DDX41: variants seen among roughly 807,000 people sequenced by gnomAD.
DDX41 encodes DEAD-box helicase 41.
Under a neutral mutation model 78.8 loss-of-function variants are expected in DDX41, and 50 were observed. That is an observed-to-expected ratio of 0.63 (90% CI 0.51 to 0.80). DDX41 has a LOEUF of 0.80. Among genes scored for constraint, DDX41 ranks in the 30% least tolerant of loss-of-function variants. DDX41 has a pLI of 0.00. For synonymous variants in DDX41, 381 were observed against 321.5 expected (o/e 1.19, Z -1.98); for missense variants, 633 against 849.2 (o/e 0.75, Z 3.16).
rs757152503 is a variant in DDX41, at chr5:177,513,008, C to A, written c.1302+3G>T. On this transcript the variant is annotated splice_donor_region_variant and intron_variant, in intron 12 of 16. Transcript: ENST00000330503. This position sits in a 1 kb window ranked among gnomAD's most constrained non-coding sequence, Gnocchi z 4.6. ...GGCCCCGGCCTGGCCTGGCTGCACT[C>A]ACAGGCGGGGGTGTCTTCTGCAGGC... 3.1e-6 allele frequency: 5 copies of A among 1,613,820 alleles called. No individual in the cohort carries two copies. Among genetic ancestry groups the A allele is most frequent in the Non-Finnish European group, 4.2e-6 (5 of 1,179,842 alleles).
In DDX41 at chr5:177,513,918, C is replaced by T; in HGVS notation, c.936-71G>A. ...ACCTATCTAGAGGCAAGCAGGCACC[C>T]TGCATCTGCTCTGCTCTCTGTCCTC... On this transcript the variant is annotated intron_variant, in intron 9 of 16. Transcript: ENST00000330503. This position sits in a 1 kb window ranked among gnomAD's most constrained non-coding sequence, Gnocchi z 4.6. 1 of 1,464,332 alleles carries T rather than the reference C, an allele frequency of 6.8e-7. No homozygotes were observed. Among genetic ancestry groups the T allele is most frequent in the Non-Finnish European group, 9.5e-7 (1 of 1,052,434 alleles). 90.7% of individuals were successfully genotyped at this position (1,464,332 alleles called of 1,614,324 possible).
chr5:177,512,202 C>T lies in DDX41; in HGVS notation c.1626G>A (p.Glu542=), dbSNP rs1234987759. The change falls in exon 16 of 17, where the codon GAG becomes GAA. Residue 542 remains glutamate, a synonymous_variant. Coordinates refer to ENST00000330503, the MANE Select transcript of DDX41 (RefSeq NM_016222.4). ...GCGCTTTGAGGTCCATCAGCACTGA[C>T]TCATCTGGGGGAGGAGTGGGGAAGC... ...ATTFINKACD[E]SVLMDLKALL... The T allele has an allele frequency of 1.2e-6, 2 of 1,613,808 alleles. No individual in the cohort carries two copies. Among genetic ancestry groups the T allele is most frequent in the Non-Finnish European group, 1.7e-6 (2 of 1,180,044 alleles).
In DDX41 at chr5:177,516,745, G is replaced by A. The variant is rs1398182183; in HGVS notation, c.118C>T (p.Arg40Trp). The A allele has an allele frequency of 6.2e-7, 1 of 1,608,508 alleles. No individual in the cohort carries two copies. The highest frequency in any genetic ancestry group is 1.1e-5 in the South Asian group (1 of 90,416). The change falls in exon 2 of 17, where the codon CGG (arginine) becomes TGG (tryptophan). Residue 40 changes from arginine (R) to tryptophan (W), a missense_variant. By Grantham distance (101) the Arg-to-Trp change is moderately radical. Around this residue, in one of 6 missense-constraint regions of DDX41, gnomAD observed 140 missense variants for 115.2 expected, o/e 1.22. Coordinates refer to ENST00000330503, the MANE Select transcript of DDX41 (RefSeq NM_016222.4). ...CTCACCAGTAGCTGCCGGCGCTGCC[G>A]TAACGGCACATAGGGCACGTAGTCC... ...DEDYVPYVPL[R>W]QRRQLLLQKL... is the part of the protein sequence containing the mutation.
chr5:177,516,626 T>C (rs1761246606), intron 2 of DDX41, 99 bp downstream of exon 2: 6 of 1,404,892 alleles, frequency 4.3e-6, no homozygotes, highest in Non-Finnish European at 5.9e-6. Context: ...TGAAGCTCAC[T>C]CCTCAGACTG....
At chr5:177,516,583 C>T in intron 2 of DDX41, 136 bp from the exon 3 acceptor site, 22 of 1,385,746 alleles carry the variant, frequency 1.6e-5, no homozygotes, top group South Asian at 1.2e-4. Context: ...GCCGTCGGTC[C>T]CTCGTTTGTC....
At chr5:177,515,550 A>T (rs1164231178) in intron 6 of DDX41, 135 bp downstream of exon 6, 1 of 1,151,660 alleles carries the variant, frequency 8.7e-7, no homozygotes, top group Non-Finnish European at 1.2e-6. Flanking sequence ...GAACCTAAAG[A>T]AACTCCTCCT....
rs542411494 is a variant in DDX41 at position 177,513,817 on chromosome 5, C to A, written c.966G>T (p.Gly322=). ...TCTTCTGCAGCAAATCCATGAGGCG[C>A]CCCGGGGTGGCCACCATCATGTGTA... ...HGVHMMVATP[G]RLMDLLQKKM... is the part of the protein sequence containing the mutation. Residue 322 remains glycine, a synonymous_variant, in exon 10 of 17, where the codon GGG becomes GGT. Transcript: ENST00000330503. The surrounding 1 kb of genome is among the most constrained non-coding windows in gnomAD (Gnocchi z 4.6). 1.9e-6 allele frequency: 3 copies of A among 1,613,708 alleles called. No individual in the cohort carries two copies. In the African/African-American group the frequency reaches 4.0e-5, roughly 22 times the overall value.
At chr5:177,512,012 T>C (rs1760974833) in intron 16 of DDX41, 84 bp downstream of exon 16, 7 of 1,606,342 alleles carry the variant, frequency 4.4e-6, no homozygotes, top group Non-Finnish European at 5.9e-6. Flanking sequence ...GCACCCTCGG[T>C]CCACCGGTTT....
chr5:177,513,099 C>T lies in DDX41; in HGVS notation c.1231-17G>A, dbSNP rs750400155. On this transcript the variant is annotated splice_polypyrimidine_tract_variant and intron_variant, in intron 11 of 16. Coordinates refer to ENST00000330503, the MANE Select transcript of DDX41 (RefSeq NM_016222.4). This position sits in a 1 kb window ranked among gnomAD's most constrained non-coding sequence, Gnocchi z 4.6. Reference sequence around the variant, plus strand: ...TTCTACCTCCTGCCACCACAAAGATCAGGTCAGGTGATCTTGAGATTAGGC... The same window carrying T: ...TTCTACCTCCTGCCACCACAAAGATTAGGTCAGGTGATCTTGAGATTAGGC... 2 of 1,610,476 alleles carry T rather than the reference C, an allele frequency of 1.2e-6. No homozygotes were observed. Among genetic ancestry groups the T allele is most frequent in the East Asian group, 2.2e-5 (1 of 44,872 alleles).
In DDX41 at chr5:177,515,947, T is replaced by C. The variant is rs770263914; in HGVS notation, c.416A>G (p.Asp139Gly). 18 of 1,614,020 alleles carry C rather than the reference T, an allele frequency of 1.1e-5. No individual in the cohort carries two copies. In the East Asian group the frequency reaches 3.8e-4, roughly 34 times the overall value. ...VKEMAKGITY[D>G]DPIKTSWTPP... ...GACATACCTGGTTTTGATGGGGTCA[T>C]CATACGTAATGCCCTTAGCCATCTC... The change falls in exon 5 of 17, where the codon GAT becomes GGT. Residue 139 changes from aspartate to glycine, a missense_variant. Physicochemically the swap from Asp to Gly is moderately conservative, Grantham distance 94 (BLOSUM62 -1). Transcript: ENST00000330503.
In DDX41 at chr5:177,516,381, C is replaced by G; in HGVS notation, c.205G>C (p.Glu69Gln). Residue 69 changes from glutamate (E) to glutamine (Q), a missense_variant, in exon 3 of 17, where the codon GAA (glutamate) becomes CAA (glutamine). Transcript: ENST00000330503. The part of the protein sequence containing the change: ...AEEEQQDSGS[E>Q]PRGDEDDIPL... Reference sequence around the variant, plus strand: ...ATGTCGTCCTCATCTCCCCGGGGTTCACTACCGCTGTCCTGCTGCTCTTCC... The same window carrying G: ...ATGTCGTCCTCATCTCCCCGGGGTTGACTACCGCTGTCCTGCTGCTCTTCC... The G allele has an allele frequency of 1.2e-6, 2 of 1,614,000 alleles. No homozygotes were observed. The highest frequency in any genetic ancestry group is 1.7e-6 in the Non-Finnish European group (2 of 1,180,020).
At chr5:177,516,628 C>A in intron 2 of DDX41, 97 bp downstream of exon 2, 1 of 1,417,458 alleles carries the variant, frequency 7.1e-7, no homozygotes, top group Non-Finnish European at 9.7e-7. Context: ...AAGCTCACTC[C>A]TCAGACTGCC....
chr5:177,515,540 G>T (rs946807402), intron 6 of DDX41, 145 bp downstream of exon 6: 1 of 1,060,366 alleles, frequency 9.4e-7, no homozygotes, highest in Admixed American at 2.1e-5. Flanking sequence ...AGGCAACAAG[G>T]AACCTAAAGA....
rs1431667147 is a variant in DDX41, at chr5:177,516,413, G to C, written c.173C>G (p.Ala58Gly). ...GCTGTCCTGCTGCTCTTCCTCCGCA[G>C]CTCCCTTGCGTCTTCGCTGCAGCAG... ...QKLLQRRRKG[A>G]AEEEQQDSGS... The change falls in exon 3 of 17, where the codon GCT becomes GGT. Residue 58 changes from alanine to glycine, a missense_variant. By Grantham distance (60) the Ala-to-Gly change is moderately conservative. Around this residue, in one of 6 missense-constraint regions of DDX41, gnomAD observed 140 missense variants for 115.2 expected, o/e 1.22. Coordinates refer to ENST00000330503, the MANE Select transcript of DDX41 (RefSeq NM_016222.4). The C allele has an allele frequency of 3.1e-6, 5 of 1,613,840 alleles. No individual in the cohort carries two copies. The highest frequency in any genetic ancestry group is 4.2e-6 in the Non-Finnish European group (5 of 1,180,026).
Position 177,516,001 on chromosome 5 carries a change from G to C in DDX41, c.374-12C>G. 6 of 1,614,174 alleles carry C rather than the reference G, an allele frequency of 3.7e-6. No individual in the cohort carries two copies. The highest frequency in any genetic ancestry group is 5.1e-6 in the Non-Finnish European group (6 of 1,180,036). ...CACTGACATCAATGCTGAAGAGAGA[G>C]ACATGGCTCAGGGCTGGCTCCTGCT... On this transcript the variant is annotated splice_polypyrimidine_tract_variant and intron_variant, in intron 4 of 16. Coordinates refer to ENST00000330503, the MANE Select transcript of DDX41 (RefSeq NM_016222.4).
rs573008149 is a variant in DDX41, at chr5:177,516,749, C to T, written c.114G>A (p.Pro38=). Residue 38 remains proline (P), a synonymous_variant, in exon 2 of 17, where the codon CCG becomes CCA. Coordinates refer to ENST00000330503, the MANE Select transcript of DDX41 (RefSeq NM_016222.4). ...CCAGTAGCTGCCGGCGCTGCCGTAA[C>T]GGCACATAGGGCACGTAGTCCTCGT... ...EDDEDYVPYV[P]LRQRRQLLLQ... 8 of 1,609,824 alleles carry T rather than the reference C, an allele frequency of 5.0e-6. No individual in the cohort carries two copies. The African/African-American group carries it at 9.3e-5, about 19-fold the overall frequency.
At chr5:177,516,673 C>A in intron 2 of DDX41, 52 bp downstream of exon 2, 1 of 1,536,392 alleles carries the variant, frequency 6.5e-7, no homozygotes, top group Non-Finnish European at 8.8e-7. Context: ...ACGCCCGCCC[C>A]CTGCGACCCC....
Position 177,515,942 on chromosome 5 carries a change from G to C in DDX41, c.421C>G (p.Pro141Ala), listed in dbSNP as rs1761207822. ...GTACAGACATACCTGGTTTTGATGGGGTCATCATACGTAATGCCCTTAGCC... is the reference window on the plus strand; with the variant it reads ...GTACAGACATACCTGGTTTTGATGGCGTCATCATACGTAATGCCCTTAGCC... ...EMAKGITYDD[P>A]IKTSWTPPRY... is the part of the protein sequence containing the mutation. Residue 141 changes from proline (P) to alanine (A), a missense_variant, in exon 5 of 17, where the codon CCC (proline) becomes GCC (alanine). Coordinates refer to ENST00000330503, the MANE Select transcript of DDX41 (RefSeq NM_016222.4). 6.2e-7 allele frequency: 1 copy of C among 1,613,928 alleles called. No individual in the cohort carries two copies. Among genetic ancestry groups the C allele is most frequent in the Non-Finnish European group, 8.5e-7 (1 of 1,179,954 alleles).
Position 177,516,268 on chromosome 5 carries a change from G to A in DDX41, c.298+20C>T, listed in dbSNP as rs750478188. 1.6e-5 allele frequency: 26 copies of A among 1,614,158 alleles called. No homozygotes were observed. Among genetic ancestry groups the A allele is most frequent in the Non-Finnish European group, 1.9e-5 (22 of 1,180,040 alleles). On this transcript the variant is annotated intron_variant, in intron 3 of 16. Transcript: ENST00000330503. Reference sequence around the variant, plus strand: ...GGCTCAGCTTCTTCTTTCTCGCCCAGGCAGTGCTGCCCAGCCCACCTTCAG... The same window carrying A: ...GGCTCAGCTTCTTCTTTCTCGCCCAAGCAGTGCTGCCCAGCCCACCTTCAG...
Sources: allele counts gnomAD v4.1 joint callset, GRCh38; gene constraint gnomAD v4.1.1; regional missense constraint gnomAD v4.1.1; non-coding constraint Gnocchi (gnomAD v3.1); transcripts MANE v1.5; gene names NCBI Gene and HGNC (gene_info 2026-07-23, HGNC 2026-07-21).